Variants in ZNF532 observed in about 807,000 individuals in gnomAD.
ZNF532 encodes the protein zinc finger protein 532.
ZNF532 carries 22 observed loss-of-function variants against 89.3 expected under a neutral mutation model. The ratio of observed to expected loss-of-function variants is 0.25; its 90% CI spans 0.18 to 0.35. The LOEUF (loss-of-function observed/expected upper bound fraction) is 0.35. Among genes scored for constraint, ZNF532 ranks in the 10% least tolerant of loss-of-function variants. ZNF532 has a pLI of 1.00. For synonymous variants in ZNF532, 606 were observed against 649.6 expected, an observed-to-expected ratio of 0.93 and a Z score of 1.02; for missense variants, 1,132 against 1,643.4, an observed-to-expected ratio of 0.69 and a Z score of 5.38.
intron 7 of ZNF532, among the ~76,000 whole-genome samples, chr18:58,969,873 C>CTTTTTTT (rs10617418): frequency 8.3e-5 from 7 of 84,712 alleles, no homozygotes; most frequent in African/African-American, 1.1e-4. Context: ...ATATTTGTCC[C>CTTTTTTT]TTTTTTTTTT....
intron 3 of ZNF532, among the ~76,000 whole-genome samples, chr18:58,933,401 A>T (rs1270071689): frequency 6.6e-6 from 1 of 152,162 alleles, no homozygotes; most frequent in Admixed American, 6.5e-5. Context: ...AGAATAAAAA[A>T]AGTCTTTTTA....
intron 6 of ZNF532, among the ~76,000 whole-genome samples, chr18:58,949,265 A>AT (rs550441289): frequency 9.2e-5 from 14 of 151,440 alleles, no homozygotes; most frequent in African/African-American, 2.2e-4. Flanking sequence ...TATGTTAAGC[A>AT]TTTTTTTTTC....
intron 7 of ZNF532, among the ~76,000 whole-genome samples, chr18:58,975,785 C>CT (rs2066983453): frequency 6.6e-6 from 1 of 152,160 alleles, no homozygotes; most frequent in African/African-American, 2.4e-5. Context: ...TATTAGTTCA[C>CT]TATTTCTTTA....
At chr18:58,884,566 A>T (rs2058152900) in intron 2 of ZNF532, among the ~76,000 whole-genome samples, 1 of 152,222 alleles carries the variant, frequency 6.6e-6, no homozygotes, top group Non-Finnish European at 1.5e-5. Context: ...TCAAAACATC[A>T]CTTCTAATGT....
In ZNF532 at chr18:58,979,168, G is replaced by A. The variant is rs201716176; in HGVS notation, c.3263+1G>A. ...GCATCAGGAAAGTGTACGCCTGCTC[G>A]TAAGTCCTGGTTTCTAACGGAACGC... On this transcript the variant is annotated splice_donor_variant, in intron 8 of 9. Coordinates refer to ENST00000591808, the MANE Select transcript of ZNF532 (RefSeq NM_001375912.1). LOFTEE classifies it high-confidence loss of function. The A allele has an allele frequency of 6.8e-6, 11 of 1,607,500 alleles. No individual in the cohort carries two copies. Among genetic ancestry groups the A allele is most frequent in the African/African-American group, 1.3e-5 (1 of 74,834 alleles).
At chr18:58,874,774 A>G (rs2057298940) in intron 2 of ZNF532, among the ~76,000 whole-genome samples, 1 of 152,224 alleles carries the variant, frequency 6.6e-6, no homozygotes, top group Admixed American at 6.5e-5. Context: ...ACAAAACTTG[A>G]TGGTGAAAAT....
Position 58,940,260 on chromosome 18 carries a change from T to C in ZNF532, c.2705+639T>C, listed in dbSNP as rs1457828673. The C allele has an allele frequency of 3.7e-4, 56 of 152,218 alleles. 1 individual carries two copies. Among genetic ancestry groups the C allele is most frequent in the Non-Finnish European group, 7.3e-5 (5 of 68,042 alleles). 9.4% of individuals were successfully genotyped at this position (152,218 alleles called of 1,614,324 possible). On this transcript the variant is annotated intron_variant, in intron 5 of 9. Coordinates refer to ENST00000591808, the MANE Select transcript of ZNF532 (RefSeq NM_001375912.1). ...AGAAACCCTGTCATCTTTAAATTTT[T>C]CCATAGTTCCTTTTTTATAGGGTAC...
intron 7 of ZNF532, among the ~76,000 whole-genome samples, chr18:58,954,514 A>G (rs2064549391): frequency 6.6e-6 from 1 of 152,052 alleles, no homozygotes; most frequent in South Asian, 2.1e-4. Flanking sequence ...AAGTCCATAT[A>G]TTACATTTGG....
intron 7 of ZNF532, chr18:58,977,374 G>A (rs1319721186): frequency 2.0e-5 from 3 of 152,150 alleles, no homozygotes; most frequent in Non-Finnish European, 4.4e-5. Flanking sequence ...CCACCTCACA[G>A]GGGTGGGAGT....
intron 9 of ZNF532, among the ~76,000 whole-genome samples, chr18:58,982,030 C>T (rs1432390086): frequency 1.3e-5 from 2 of 148,718 alleles, no homozygotes; most frequent in African/African-American, 2.5e-5. Flanking sequence ...AATCAGACCA[C>T]ACTGAAAGTA....
At chr18:58,871,320 A>G (rs1345661263) in intron 2 of ZNF532, among the ~76,000 whole-genome samples, 2 of 152,194 alleles carry the variant, frequency 1.3e-5, no homozygotes, top group African/African-American at 4.8e-5. Flanking sequence ...CCTTGGCTCA[A>G]GGGATCCTCC....
At chr18:58,942,699 G>A (rs1055002355) in intron 5 of ZNF532, among the ~76,000 whole-genome samples, 1 of 151,950 alleles carries the variant, frequency 6.6e-6, no homozygotes, top group South Asian at 2.1e-4. Flanking sequence ...TTCATCCTGT[G>A]GCTGTTTGGC....
rs540149445 is a variant in ZNF532, at chr18:58,911,092, T to G, written c.-17-7179T>G. Among the ~76,000 whole-genome samples, 7 of 152,250 alleles carry G rather than the reference T, an allele frequency of 4.6e-5. No individual in the cohort carries two copies. The South Asian group carries it at 1.5e-3, about 32-fold the overall frequency. On this transcript the variant is annotated intron_variant, in intron 2 of 9. Transcript: ENST00000591808. ...TTGAGAGAGTGGATTGTCAGAGTGC[T>G]GGGGAGATACTGGGAGGAGCAGGAT...
intron 2 of ZNF532, among the ~76,000 whole-genome samples, chr18:58,883,142 T>C (rs1262477869): frequency 6.6e-6 from 1 of 152,208 alleles, no homozygotes; most frequent in Non-Finnish European, 1.5e-5. Flanking sequence ...CTTCTCAATA[T>C]AACATAATGA....
intron 3 of ZNF532, among the ~76,000 whole-genome samples, chr18:58,925,076 A>G (rs566439496): frequency 6.6e-6 from 1 of 152,302 alleles, no homozygotes; most frequent in South Asian, 2.1e-4. Context: ...GCTATTATTA[A>G]CATTGTGTAT....
Position 58,919,839 on chromosome 18 carries a change from G to C in ZNF532, c.1552G>C (p.Val518Leu). 1 of 1,614,006 alleles carries C rather than the reference G, an allele frequency of 6.2e-7. No homozygotes were observed. The highest frequency in any genetic ancestry group is 8.5e-7 in the Non-Finnish European group (1 of 1,179,880). Residue 518 changes from valine (V) to leucine (L), a missense_variant, in exon 3 of 10, where the codon GTG becomes CTG. Physicochemically the swap from Val to Leu is conservative, Grantham distance 32. This residue lies in a region of ZNF532 where 97 missense variants were observed against 143.7 expected (regional missense o/e 0.68). Transcript: ENST00000591808. This position sits in a 1 kb window ranked among gnomAD's most constrained non-coding sequence, Gnocchi z 6.1. ...ATCCAGCCTGGCCAATGCCAAACTC[G>C]TGCCAAAGACTGTGCACCTTGCCAA... The part of the protein sequence containing the change: ...PASSLANAKL[V>L]PKTVHLANLN...
rs186373497 is a variant in ZNF532 at position 58,958,748 on chromosome 18, C to A, written c.3150+4949C>A. Among the ~76,000 whole-genome samples the A allele has an allele frequency of 6.6e-5, 10 of 152,278 alleles. No homozygotes were observed. In the East Asian group the frequency reaches 1.9e-3, roughly 29 times the overall value. ...AACTAGCTTTCTAACCACAGAAATC[C>A]CACCACCTTTGTAGTCTCTATATTC... is the stretch of plus-strand genomic sequence containing the variant. On this transcript the variant is annotated intron_variant, in intron 7 of 9. Coordinates refer to ENST00000591808, the MANE Select transcript of ZNF532 (RefSeq NM_001375912.1).
In ZNF532 at chr18:58,868,823, G is replaced by T. The variant is rs529113945; in HGVS notation, c.-18+3244G>T. On this transcript the variant is annotated intron_variant, in intron 2 of 9. Transcript: ENST00000591808. Reference sequence around the variant, plus strand: ...CAGTCACGTGTCGATTAATGCAGGGGTACATTCTGAGAAATGTATCATTAG... The same window carrying T: ...CAGTCACGTGTCGATTAATGCAGGGTTACATTCTGAGAAATGTATCATTAG... 3.9e-5 allele frequency among the ~76,000 whole-genome samples: 6 copies of T among 152,254 alleles called. No individual in the cohort carries two copies. In the East Asian group the frequency reaches 9.6e-4, roughly 24 times the overall value.
chr18:58,868,937 T>C (rs1031397354), intron 2 of ZNF532, among the ~76,000 whole-genome samples: 4 of 152,236 alleles, frequency 2.6e-5, no homozygotes, highest in African/African-American at 9.7e-5. Flanking sequence ...CTAGGCTATA[T>C]GGTGTAGCCC....
Sources: gnomAD v4.1 joint callset for allele counts (sites outside exome capture counted in the v4.1 genomes callset) on GRCh38, gnomAD v4.1.1 for gene constraint, gnomAD v4.1.1 regional missense constraint, Gnocchi (gnomAD v3.1) non-coding constraint, MANE v1.5 for transcripts, NCBI Gene and HGNC (gene_info 2026-07-23, HGNC 2026-07-21) for gene names.